ANGPT1: variants seen among roughly 807,000 people sequenced by gnomAD.
ANGPT1 encodes the protein angiopoietin 1.
A neutral mutation model predicts 62.2 loss-of-function variants in ANGPT1; 17 were observed. The ratio of observed to expected loss-of-function variants is 0.27; its 90% CI spans 0.19 to 0.41. ANGPT1 has a LOEUF of 0.41. Ranked by LOEUF, ANGPT1 falls within the 10% of genes least tolerant of loss-of-function variation. ANGPT1 has a pLI of 1.00. For synonymous variants in ANGPT1, 199 were observed against 198.9 expected (o/e 1.00, Z 0.00); for missense variants, 478 against 594.9 (o/e 0.80, Z 2.04).
intron 1 of ANGPT1, among the ~76,000 whole-genome samples, chr8:107,466,965 C>A (rs1211044059): frequency 6.6e-6 from 1 of 151,994 alleles, no homozygotes; most frequent in African/African-American, 2.4e-5. Flanking sequence ...CCTGCTCCAC[C>A]AGTACTACCT....
chr8:107,275,431 T>G (rs903617513), intron 7 of ANGPT1, among the ~76,000 whole-genome samples: 1 of 152,152 alleles, frequency 6.6e-6, no homozygotes, highest in African/African-American at 2.4e-5. Context: ...ATTCCCCAAC[T>G]AATACCAATT....
At chr8:107,371,612 T>G (rs1816415498) in intron 1 of ANGPT1, among the ~76,000 whole-genome samples, 1 of 145,324 alleles carries the variant, frequency 6.9e-6, no homozygotes, top group Non-Finnish European at 1.5e-5. Context: ...AGTCTAGTCC[T>G]GTTGCCCAGG....
intron 1 of ANGPT1, among the ~76,000 whole-genome samples, chr8:107,364,052 C>T (rs1816222063): frequency 1.3e-5 from 2 of 152,080 alleles, no homozygotes; most frequent in Non-Finnish European, 2.9e-5. Flanking sequence ...TACAGGCTGG[C>T]CATAAAGTCT....
intron 3 of ANGPT1, among the ~76,000 whole-genome samples, chr8:107,331,346 A>G (rs1246599264): frequency 1.3e-5 from 2 of 152,208 alleles, no homozygotes; most frequent in Admixed American, 1.3e-4. Flanking sequence ...TAAAATAAAT[A>G]GTTTATATCT....
At chr8:107,452,949 A>C (rs1811817515) in intron 1 of ANGPT1, among the ~76,000 whole-genome samples, 1 of 152,118 alleles carries the variant, frequency 6.6e-6, no homozygotes, top group Non-Finnish European at 1.5e-5. Flanking sequence ...AAATTTTGAG[A>C]AATAATTTAT....
intron 1 of ANGPT1, among the ~76,000 whole-genome samples, chr8:107,496,009 T>C (rs994965485): frequency 6.6e-6 from 1 of 152,194 alleles, no homozygotes. Context: ...TGGACAAAAG[T>C]AGAATAACTA....
intron 7 of ANGPT1, among the ~76,000 whole-genome samples, chr8:107,270,314 TC>T (rs1328336817): frequency 2.6e-5 from 4 of 152,084 alleles, no homozygotes; most frequent in Non-Finnish European, 5.9e-5. Flanking sequence ...CTCGCAGATA[TC>T]TGAACTTTAA....
intron 1 of ANGPT1, among the ~76,000 whole-genome samples, chr8:107,480,740 T>C (rs576905575): frequency 6.6e-6 from 1 of 152,288 alleles, no homozygotes; most frequent in South Asian, 2.1e-4. Context: ...CTAGATCAAC[T>C]ATAGACAAGA....
chr8:107,306,432 A>G (rs1466031332), intron 4 of ANGPT1, among the ~76,000 whole-genome samples: 2 of 152,138 alleles, frequency 1.3e-5, no homozygotes, highest in Admixed American at 6.6e-5. Flanking sequence ...TTAAGATTTA[A>G]AGATTATTTC....
intron 1 of ANGPT1, among the ~76,000 whole-genome samples, chr8:107,445,624 T>C (rs977326844): frequency 2.6e-5 from 4 of 152,160 alleles, no homozygotes; most frequent in Admixed American, 6.5e-5. Context: ...GAACTTCCAA[T>C]TAACTTTTAT....
chr8:107,416,304 G>A (rs1393432732), intron 1 of ANGPT1, among the ~76,000 whole-genome samples: 1 of 152,160 alleles, frequency 6.6e-6, no homozygotes, highest in Non-Finnish European at 1.5e-5. Context: ...TAATTTGCTA[G>A]AGCAGCTCAT....
intron 1 of ANGPT1, 55 bp from the exon 2 acceptor site, chr8:107,347,152 G>A (rs1485924841): frequency 1.1e-5 from 17 of 1,527,888 alleles, no homozygotes; most frequent in Admixed American, 1.8e-5. Context: ...CTCCCAGTTC[G>A]GGCATGTAAT....
chr8:107,290,285 G>A (rs1586192106), intron 6 of ANGPT1, among the ~76,000 whole-genome samples: 2 of 152,086 alleles, frequency 1.3e-5, no homozygotes, highest in East Asian at 3.9e-4. Flanking sequence ...AGGCAGAAAG[G>A]AAAGAGAGAG....
At chr8:107,304,454 T>C (rs1277173999) in intron 4 of ANGPT1, among the ~76,000 whole-genome samples, 4 of 151,846 alleles carry the variant, frequency 2.6e-5, no homozygotes, top group East Asian at 3.9e-4. Context: ...AATATCTGCA[T>C]TCAAACACAT....
chr8:107,402,162 T>C (rs191107089), intron 1 of ANGPT1, among the ~76,000 whole-genome samples: 1 of 152,310 alleles, frequency 6.6e-6, no homozygotes, highest in Non-Finnish European at 1.5e-5. Context: ...GCATGCTATG[T>C]TGATTTTTAA....
chr8:107,385,130 G>A (rs965997884), intron 1 of ANGPT1, among the ~76,000 whole-genome samples: 2 of 149,338 alleles, frequency 1.3e-5, no homozygotes, highest in African/African-American at 4.9e-5. Context: ...GTTTTGGAAT[G>A]TCGTTTGTTT....
intron 1 of ANGPT1, among the ~76,000 whole-genome samples, chr8:107,375,798 AC>A (rs1816519948): frequency 6.6e-6 from 1 of 152,198 alleles, no homozygotes; most frequent in Non-Finnish European, 1.5e-5. Flanking sequence ...AGCATGAGAA[AC>A]ACTGAGAAGC....
chr8:107,496,513 T>C (rs917391734), intron 1 of ANGPT1, among the ~76,000 whole-genome samples: 1 of 152,090 alleles, frequency 6.6e-6, no homozygotes, highest in South Asian at 2.1e-4. Flanking sequence ...AGAAGGGAGG[T>C]ATTTCAGGAA....
At chr8:107,316,142 T>C (rs182018386) in intron 4 of ANGPT1, among the ~76,000 whole-genome samples, 1 of 152,306 alleles carries the variant, frequency 6.6e-6, no homozygotes, top group Non-Finnish European at 1.5e-5. Flanking sequence ...GAAGTCATTA[T>C]TTCTTGCTGA....
Sources: allele counts gnomAD v4.1 joint callset (sites outside exome capture counted in the v4.1 genomes callset), GRCh38; gene constraint gnomAD v4.1.1; transcripts MANE v1.5; gene names NCBI Gene and HGNC (gene_info 2026-07-23, HGNC 2026-07-21).